Variants in SEC31B observed in about 807,000 individuals in gnomAD.
The protein encoded by SEC31B is SEC31 homolog B, COPII component, also known as protein transport protein Sec31B.
SEC31B carries 113 observed loss-of-function variants against 135.0 expected under a neutral mutation model. The observed-to-expected ratio is 0.84, with a 90% CI of 0.72 to 0.98. The LOEUF is 0.98. Ranked by LOEUF, SEC31B falls within the 50% of genes least tolerant of loss-of-function variation. The probability of loss-of-function intolerance (pLI) is 0.00; values close to 1 mark genes in which losing one functional copy is unlikely to be tolerated. For missense variants in SEC31B, 1,296 were observed against 1,421.1 expected (o/e 0.91, Z 1.42); for synonymous variants, 508 against 549.4 (o/e 0.92, Z 1.05).
Position 100,495,403 on chromosome 10 carries a change from T to C in SEC31B, c.2454A>G (p.Gly818=). The C allele has an allele frequency of 6.2e-7, 1 of 1,613,840 alleles. No individual in the cohort carries two copies. The highest frequency in any genetic ancestry group is 8.5e-7 in the Non-Finnish European group (1 of 1,179,946). ...HSKETSSYRL[G]SQPSHQVPTP... ...GTCTTACCTGGTGAGAAGGCTGGGA[T>C]CCCAATCTGTAAGATGATGTCTCTT... Residue 818 remains glycine, a synonymous_variant, in exon 19 of 26, where the codon GGA becomes GGG. Transcript: ENST00000370345.
intron 3 of SEC31B, among the ~76,000 whole-genome samples, chr10:100,509,771 T>C (rs1415735422): frequency 6.6e-6 from 1 of 152,144 alleles, no homozygotes; most frequent in African/African-American, 2.4e-5. Context: ...TATATATACA[T>C]ATATATGTAC....
intron 3 of SEC31B, among the ~76,000 whole-genome samples, chr10:100,513,477 CT>C (rs1013758080): frequency 7.9e-5 from 12 of 151,646 alleles, no homozygotes; most frequent in Non-Finnish European, 1.6e-4. Context: ...TCTTCTTTTT[CT>C]TTTTTTTAGG....
At chr10:100,488,209 C>T (rs1295290566) in intron 24 of SEC31B, 111 bp from the exon 25 acceptor site, 2 of 987,760 alleles carry the variant, frequency 2.0e-6, no homozygotes, top group Non-Finnish European at 3.1e-6. Flanking sequence ...CCTGTAATCC[C>T]AGCACCTTGG....
At chr10:100,506,563 T>C (rs916363834) in intron 7 of SEC31B, 143 bp from the exon 8 acceptor site, 3 of 706,578 alleles carry the variant, frequency 4.2e-6, no homozygotes, top group African/African-American at 1.8e-5. Context: ...ATCTTACAAA[T>C]GAATAAAATG....
chr10:100,505,588 A>T lies in SEC31B; in HGVS notation c.1045-93T>A, dbSNP rs1013185098. Reference sequence around the variant, plus strand: ...CTCCATTTTGGGAGGAATCCTTGAGACACCCAATTTGACCTAGAAAGGTCA... The same window carrying T: ...CTCCATTTTGGGAGGAATCCTTGAGTCACCCAATTTGACCTAGAAAGGTCA... On this transcript the variant is annotated intron_variant, in intron 9 of 25. Coordinates refer to ENST00000370345, the MANE Select transcript of SEC31B (RefSeq NM_015490.4). 3 of 1,490,318 alleles carry T rather than the reference A, an allele frequency of 2.0e-6. No individual in the cohort carries two copies. In the African/African-American group the frequency reaches 4.3e-5, roughly 21 times the overall value. The allele number at this position is 1,490,318 out of a possible 1,614,324, so 92.3% of individuals were successfully genotyped here.
At chr10:100,508,460 C>T in intron 5 of SEC31B, 1 of 469,114 alleles carries the variant, frequency 2.1e-6, no homozygotes, top group Non-Finnish European at 4.2e-6. Context: ...ACTTAACTTA[C>T]CTCATGATAC....
chr10:100,510,241 G>A (rs1414820359), intron 3 of SEC31B, among the ~76,000 whole-genome samples: 1 of 152,162 alleles, frequency 6.6e-6, no homozygotes, highest in Non-Finnish European at 1.5e-5. Context: ...CTCTCAAACT[G>A]GAAATGAGAA....
rs1363825230 is a variant in SEC31B, at chr10:100,499,617, C to T, written c.1411-19G>A. ...AGGTCACCTAAGAAACCACAGAACA[C>T]AGAAAAGATTCCATTAAATGAACAT... On this transcript the variant is annotated intron_variant, in intron 11 of 25. Transcript: ENST00000370345. 1.3e-6 allele frequency: 2 copies of T among 1,561,466 alleles called. No homozygotes were observed. The highest frequency in any genetic ancestry group is 1.4e-5 in the African/African-American group (1 of 72,694).
At chr10:100,487,866 G>A in intron 25 of SEC31B, 71 bp from the exon 26 acceptor site, 2 of 1,583,882 alleles carry the variant, frequency 1.3e-6, no homozygotes, top group South Asian at 1.1e-5. Context: ...GAAGGGATAA[G>A]GGAAGACTTA....
At position 100,488,935 on chromosome 10, in the gene SEC31B, G is replaced by T; in HGVS notation, c.3211C>A (p.Leu1071Met). 3 of 1,611,270 alleles carry T rather than the reference G, an allele frequency of 1.9e-6. No homozygotes were observed. Among genetic ancestry groups the T allele is most frequent in the Non-Finnish European group, 2.5e-6 (3 of 1,179,108 alleles). Residue 1071 changes from leucine (L) to methionine (M), a missense_variant, in exon 24 of 26, where the codon CTG (leucine) becomes ATG (methionine). Transcript: ENST00000370345. ...TTCAAGGACTGATGCTCTGGGGGCA[G>T]CTCCTTCCTTTCCATCTTCTCAGGT... Reference protein sequence around the residue: ...LPPEKMERKELPPEHQSLKSS... With the variant: ...LPPEKMERKEMPPEHQSLKSS...
At chr10:100,493,356 A>G (rs777012282) in intron 19 of SEC31B, among the ~76,000 whole-genome samples, 5 of 151,390 alleles carry the variant, frequency 3.3e-5, no homozygotes, top group Non-Finnish European at 7.4e-5. Flanking sequence ...CTGGGCAACA[A>G]AGCAAGACTC....
rs149062257 is a variant in SEC31B, at chr10:100,497,265, C to A, written c.2006G>T (p.Arg669Leu). ...TGCCCTGCTGCCCTCCTGTTCCATGCGAGTTCCCAGCATGTCTGCAGAGAG... is the reference window on the plus strand; with the variant it reads ...TGCCCTGCTGCCCTCCTGTTCCATGAGAGTTCCCAGCATGTCTGCAGAGAG... ...FPELCDMLGT[R>L]MEQEGSRALT... The change falls in exon 17 of 26, where the codon CGC becomes CTC. Residue 669 changes from arginine (R) to leucine (L), a missense_variant. By Grantham distance (102) the Arg-to-Leu change is moderately radical. Transcript: ENST00000370345. 10 of 1,613,912 alleles carry A rather than the reference C, an allele frequency of 6.2e-6. No homozygotes were observed. The highest frequency in any genetic ancestry group is 4.0e-5 in the African/African-American group (3 of 74,912).
At chr10:100,511,030 G>T (rs1851727064) in intron 3 of SEC31B, among the ~76,000 whole-genome samples, 1 of 152,164 alleles carries the variant, frequency 6.6e-6, no homozygotes, top group Non-Finnish European at 1.5e-5. Context: ...GATGCAGAGG[G>T]TGCAGCGACC....
At chr10:100,518,834 T>C (rs1466515333) in intron 1 of SEC31B, among the ~76,000 whole-genome samples, 5 of 152,234 alleles carry the variant, frequency 3.3e-5, no homozygotes, top group Non-Finnish European at 7.3e-5. Flanking sequence ...AGCCTGCCCA[T>C]TAAGCCAAGA....
At chr10:100,488,331 C>T (rs994913743) in intron 24 of SEC31B, among the ~76,000 whole-genome samples, 10 of 152,026 alleles carry the variant, frequency 6.6e-5, no homozygotes, top group African/African-American at 2.2e-4. Context: ...TGGAGGTGGG[C>T]ACCTGTAGTC....
Position 100,502,294 on chromosome 10 carries a change from G to A in SEC31B, c.1370C>T (p.Ala457Val), listed in dbSNP as rs2133685784. ...LNYCQNKSQQ[A>V]LLQSEKMLWQ... Reference sequence around the variant, plus strand: ...CAGCATCTTTTCACTTTGCAGTAAAGCTTGCTGGCTCTTGTTCTGACAGTA... The same window carrying A: ...CAGCATCTTTTCACTTTGCAGTAAAACTTGCTGGCTCTTGTTCTGACAGTA... The change falls in exon 11 of 26, where the codon GCT becomes GTT. Residue 457 changes from alanine to valine, a missense_variant. Ala to Val is a moderately conservative substitution (Grantham distance 64). Coordinates refer to ENST00000370345, the MANE Select transcript of SEC31B (RefSeq NM_015490.4). 6.2e-7 allele frequency: 1 copy of A among 1,614,184 alleles called. No homozygotes were observed. The highest frequency in any genetic ancestry group is 2.2e-5 in the East Asian group (1 of 44,888).
rs2003285 is a variant in SEC31B at position 100,488,413 on chromosome 10, C to T, written c.3289-315G>A. ...GGCAGAGCTTGCAGTGAGCCGAGAT[C>T]GCGCCACTGCACTCCAGCCTGGGCG... is the stretch of plus-strand genomic sequence containing the variant. On this transcript the variant is annotated intron_variant, in intron 24 of 25. Transcript: ENST00000370345. Among the ~76,000 whole-genome samples the T allele has an allele frequency of 3.7e-4, 53 of 145,122 alleles. No individual in the cohort carries two copies. The South Asian group carries it at 7.2e-3, about 20-fold the overall frequency.
At position 100,488,894 on chromosome 10, in the gene SEC31B, C is replaced by T. The variant is rs142754125; in HGVS notation, c.3252G>A (p.Ala1084=). The T allele has an allele frequency of 2.5e-5, 40 of 1,608,050 alleles. No homozygotes were observed. In the South Asian group the frequency reaches 2.9e-4, roughly 12 times the overall value. ...EHQSLKSSFE[A]LLQRCSLSAT... ...CAGACAGGGAGCAGCGTTGGAGAAG[C>T]GCCTCAAAGCTGCTCTTCAAGGACT... Residue 1084 remains alanine (A), a synonymous_variant, in exon 24 of 26, where the codon GCG becomes GCA. Transcript: ENST00000370345.
In SEC31B at chr10:100,499,232, C is replaced by T. The variant is rs1169966730; in HGVS notation, c.1512G>A (p.Val504=). The change falls in exon 13 of 26, where the codon GTG becomes GTA. Residue 504 remains valine, a synonymous_variant. Transcript: ENST00000370345. ...KKVATWLKSD[V]GLGESPQPKG... ...TGGGCTGAGGACTCTCACCTAGCCCCACGTCACTCTTCAACCATGTGGCCA... is the reference window on the plus strand; with the variant it reads ...TGGGCTGAGGACTCTCACCTAGCCCTACGTCACTCTTCAACCATGTGGCCA... 6.2e-7 allele frequency: 1 copy of T among 1,613,440 alleles called. No homozygotes were observed. The highest frequency in any genetic ancestry group is 8.5e-7 in the Non-Finnish European group (1 of 1,179,760).
Sources: gnomAD v4.1 joint callset for allele counts (sites outside exome capture counted in the v4.1 genomes callset) on GRCh38, gnomAD v4.1.1 for gene constraint, MANE v1.5 for transcripts, NCBI Gene and HGNC (gene_info 2026-07-23, HGNC 2026-07-21) for gene names.